MTMR14: variants seen among roughly 807,000 people sequenced by gnomAD.
MTMR14 encodes the protein phosphatidylinositol-3,5-bisphosphate 3-phosphatase MTMR14.
In MTMR14, 48 loss-of-function variants were observed where a neutral mutation model predicts 86.3. The observed-to-expected ratio is 0.56, with a 90% CI of 0.44 to 0.71. The LOEUF is 0.71. Among genes scored for constraint, MTMR14 ranks in the 30% least tolerant of loss-of-function variants. The probability of loss-of-function intolerance (pLI) is 0.00; values close to 1 mark genes in which losing one functional copy is unlikely to be tolerated. For missense variants in MTMR14, 780 were observed against 834.6 expected (o/e 0.93, Z 0.81); for synonymous variants, 366 against 326.1 (o/e 1.12, Z -1.32).
rs761674083 is a variant in MTMR14, at chr3:9,662,274, A to G, written c.316A>G (p.Ser106Gly). 11 of 1,613,032 alleles carry G rather than the reference A, an allele frequency of 6.8e-6. No individual in the cohort carries two copies. The highest frequency in any genetic ancestry group is 8.5e-6 in the Non-Finnish European group (10 of 1,179,786). ...CTCTTGCCTGTGTGTTAGGTTTGAG[A>G]GTACCGTACAGGTGAGCAAGTTGCA... ...SSEKEKDTFE[S>G]TVQVSKLQDL... Residue 106 changes from serine (S) to glycine (G), a missense_variant, in exon 3 of 19, where the codon AGT becomes GGT. By Grantham distance (56) the Ser-to-Gly change is moderately conservative. Transcript: ENST00000296003.
chr3:9,686,772 G>A (rs1051920006), intron 13 of MTMR14, among the ~76,000 whole-genome samples: 1 of 152,230 alleles, frequency 6.6e-6, no homozygotes, highest in African/African-American at 2.4e-5. Flanking sequence ...GGGATGCCAA[G>A]TAGGGATTTC....
chr3:9,681,993 G>A (rs1483430581), intron 9 of MTMR14, among the ~76,000 whole-genome samples: 1 of 152,190 alleles, frequency 6.6e-6, no homozygotes, highest in African/African-American at 2.4e-5. Flanking sequence ...GTCCTCGGCA[G>A]GGCCTGCCCT....
intron 6 of MTMR14, 26 bp from the exon 7 acceptor site, chr3:9,672,659 T>G: frequency 6.3e-7 from 1 of 1,592,174 alleles, no homozygotes; most frequent in Non-Finnish European, 8.6e-7. Flanking sequence ...TGCGACACTG[T>G]AACACATTGT....
At chr3:9,656,805 C>A (rs1279230770) in intron 2 of MTMR14, among the ~76,000 whole-genome samples, 1 of 152,158 alleles carries the variant, frequency 6.6e-6, no homozygotes, top group South Asian at 2.1e-4. Context: ...TTTTGCCTTG[C>A]CATTCTCTTC....
At chr3:9,649,892 C>A (rs1295769839) in intron 1 of MTMR14, 150 bp downstream of exon 1, 1 of 1,518,570 alleles carries the variant, frequency 6.6e-7, no homozygotes, top group African/African-American at 1.4e-5. Context: ...GGGTCTGTAT[C>A]CGGAGTATAA....
intron 1 of MTMR14, among the ~76,000 whole-genome samples, chr3:9,652,696 C>CAAA (rs553682561): frequency 1.5e-5 from 2 of 129,688 alleles, no homozygotes; most frequent in African/African-American, 5.6e-5. Context: ...GACTCTTTCT[C>CAAA]AAAAAAAAAA....
chr3:9,667,897 C>T (rs2125102273), intron 3 of MTMR14, among the ~76,000 whole-genome samples: 1 of 152,328 alleles, frequency 6.6e-6, no homozygotes, highest in South Asian at 2.1e-4. Context: ...GTGAGCTTCA[C>T]TCCCTGTCTG....
At chr3:9,691,719 C>A (rs544132215) in intron 17 of MTMR14, among the ~76,000 whole-genome samples, 4 of 152,146 alleles carry the variant, frequency 2.6e-5, no homozygotes, top group Non-Finnish European at 4.4e-5. Context: ...GCTTGCAGGG[C>A]GTGTCTCAGG....
Position 9,701,665 on chromosome 3 carries a change from G to A in MTMR14, c.1770-125G>A, listed in dbSNP as rs2076462117. ...AACCACAAGGATAGCATGGCCGTAGGACAGACACTGGCCTTGTACAGTCAG... is the reference window on the plus strand; with the variant it reads ...AACCACAAGGATAGCATGGCCGTAGAACAGACACTGGCCTTGTACAGTCAG... On this transcript the variant is annotated intron_variant, in intron 18 of 18. Coordinates refer to ENST00000296003, the MANE Select transcript of MTMR14 (RefSeq NM_001077525.3). The surrounding 1 kb of genome is among the most constrained non-coding windows in gnomAD (Gnocchi z 4.2). The A allele has an allele frequency of 1.7e-6, 2 of 1,151,214 alleles. No individual in the cohort carries two copies. The highest frequency in any genetic ancestry group is 2.6e-6 in the Non-Finnish European group (2 of 782,560). 71.3% of individuals were successfully genotyped at this position (1,151,214 alleles called of 1,614,324 possible).
chr3:9,660,522 A>G (rs904869189), intron 2 of MTMR14, among the ~76,000 whole-genome samples: 3 of 152,124 alleles, frequency 2.0e-5, no homozygotes. Flanking sequence ...TGGCCTCCCA[A>G]AGTGCTAGGA....
chr3:9,661,725 CTT>C (rs533438340), intron 2 of MTMR14, among the ~76,000 whole-genome samples: 1 of 150,882 alleles, frequency 6.6e-6, no homozygotes, highest in Non-Finnish European at 1.5e-5. Context: ...GTTTAGCTCA[CTT>C]TTTTTTTATC....
rs1292030235 is a variant in MTMR14 at position 9,649,548 on chromosome 3, C to G, written c.-36C>G. ...TGGGTGCAGGCAGGTGCCATGGGCCCGCTTGAGGCACACTGAGGGGACGCG... is the reference window on the plus strand; with the variant it reads ...TGGGTGCAGGCAGGTGCCATGGGCCGGCTTGAGGCACACTGAGGGGACGCG... On this transcript the variant is annotated 5_prime_UTR_variant, in exon 1 of 19. Coordinates refer to ENST00000296003, the MANE Select transcript of MTMR14 (RefSeq NM_001077525.3). 1.3e-6 allele frequency: 2 copies of G among 1,522,412 alleles called. No individual in the cohort carries two copies. The highest frequency in any genetic ancestry group is 1.8e-6 in the Non-Finnish European group (2 of 1,136,498). The allele number at this position is 1,522,412 out of a possible 1,614,324, so 94.3% of individuals were successfully genotyped here.
At chr3:9,694,486 A>G (rs892843322) in intron 17 of MTMR14, among the ~76,000 whole-genome samples, 1 of 151,906 alleles carries the variant, frequency 6.6e-6, no homozygotes, top group Non-Finnish European at 1.5e-5. Flanking sequence ...TACAAAAGAT[A>G]GATTAGATAG....
intron 7 of MTMR14, among the ~76,000 whole-genome samples, chr3:9,676,571 C>T (rs1315313559): frequency 8.5e-5 from 13 of 152,170 alleles, no homozygotes; most frequent in Admixed American, 6.5e-4. Context: ...CTTAAACAGC[C>T]ATTTTACAAA....
chr3:9,657,827 G>A (rs1181189602), intron 2 of MTMR14, among the ~76,000 whole-genome samples: 1 of 152,114 alleles, frequency 6.6e-6, no homozygotes, highest in African/African-American at 2.4e-5. Flanking sequence ...GGGATTACAG[G>A]TATGAGCCAC....
At chr3:9,672,327 C>A (rs939984870) in intron 6 of MTMR14, among the ~76,000 whole-genome samples, 27 of 152,248 alleles carry the variant, frequency 1.8e-4, no homozygotes, top group African/African-American at 6.3e-4. Context: ...CAACCATCTG[C>A]CTCCTGGGTT....
intron 3 of MTMR14, among the ~76,000 whole-genome samples, chr3:9,663,548 C>T (rs1428442315): frequency 9.1e-6 from 1 of 110,364 alleles, no homozygotes; most frequent in African/African-American, 3.5e-5. Context: ...ACATCTTGCT[C>T]TGCTGCCCAG....
chr3:9,702,036 G>T lies in MTMR14; in HGVS notation c.*63G>T. 6.2e-7 allele frequency: 1 copy of T among 1,602,922 alleles called. No homozygotes were observed. The highest frequency in any genetic ancestry group is 1.1e-5 in the South Asian group (1 of 90,662). On this transcript the variant is annotated 3_prime_UTR_variant, in exon 19 of 19. Transcript: ENST00000296003. The stretch of plus-strand genomic sequence containing the variant: ...GCTGAGCCCTTAGCAGAGAATCAAA[G>T]CCATGCCTGGCCGAAGGGGTACTTC...
intron 17 of MTMR14, among the ~76,000 whole-genome samples, chr3:9,695,058 G>C (rs529000237): frequency 2.2e-4 from 33 of 152,312 alleles, no homozygotes; most frequent in Non-Finnish European, 4.6e-4. Flanking sequence ...GAGAGCAGAG[G>C]GGGTGGAGCT....
Sources: gnomAD v4.1 joint callset for allele counts (sites outside exome capture counted in the v4.1 genomes callset) on GRCh38, gnomAD v4.1.1 for gene constraint, Gnocchi (gnomAD v3.1) non-coding constraint, MANE v1.5 for transcripts, NCBI Gene and HGNC (gene_info 2026-07-23, HGNC 2026-07-21) for gene names.